Variants in ZNF600 observed in about 807,000 individuals in gnomAD.
ZNF600 encodes zinc finger protein 600.
Under a neutral mutation model 7.3 loss-of-function variants are expected in ZNF600, and 4 were observed. The ratio of observed to expected loss-of-function variants is 0.55; its 90% confidence interval spans 0.27 to 1.25. The LOEUF (loss-of-function observed/expected upper bound fraction) is 1.25. Ranked by LOEUF, ZNF600 falls within the 50% of genes most tolerant of loss-of-function variation. The pLI, the probability that ZNF600 is intolerant of heterozygous loss-of-function variation, is 0.12. For missense variants in ZNF600, 911 were observed against 922.1 expected (o/e 0.99, Z 0.16); for synonymous variants, 290 against 308.9 (o/e 0.94, Z 0.64).
At chr19:52,790,677 CTCTCCT>C (rs2062788821), upstream of ZNF600, among the ~76,000 whole-genome samples, 1 of 145,378 alleles carries the variant, frequency 6.9e-6, no homozygotes, top group African/African-American at 2.6e-5. Context: ...ATCTCTCTCT[CTCTCCT>C]TTTTTTTTTT....
chr19:52,810,459 A>G, the ZNF600 span: 4 of 1,595,280 alleles, frequency 2.5e-6, no homozygotes, highest in Admixed American at 6.7e-5. Flanking sequence ...GTTCTCAAAG[A>G]GTCAGTGAGG....
intron 2 of ZNF600, among the ~76,000 whole-genome samples, chr19:52,778,226 C>T (rs8111159): frequency 0.16 from 24,344 of 151,898 alleles, 2,684 homozygotes; most frequent in African/African-American, 0.31. Context: ...GTTGGCCAGG[C>T]TGGTCTCGAA....
At chr19:52,797,685 A>G in the ZNF600 span, 3 of 154,466 alleles carry the variant, frequency 1.9e-5, no homozygotes, top group East Asian at 1.9e-4. Flanking sequence ...ATCTACAAAC[A>G]TTGATCAAAA....
chr19:52,766,950 G>T, exon 4 of ZNF600: 1 of 1,613,926 alleles, frequency 6.2e-7, no homozygotes, highest in Non-Finnish European at 8.5e-7. Context: ...TTTTTCTCCA[G>T]TATGAATTGC....
the ZNF600 span, chr19:52,801,300 C>A: frequency 2.5e-6 from 4 of 1,614,102 alleles, no homozygotes; most frequent in Middle Eastern, 3.3e-4. Flanking sequence ...TTTGGGCCTA[C>A]AACAAATTCT....
At chr19:52,768,439 CAAA>C (rs34209404) in intron 3 of ZNF600, among the ~76,000 whole-genome samples, 6 of 67,020 alleles carry the variant, frequency 9.0e-5, no homozygotes, top group Admixed American at 1.7e-4. Context: ...GACTCCACCT[CAAA>C]AAAAAAAAAA....
exon 4 of ZNF600, chr19:52,767,743 C>A: frequency 1.3e-6 from 2 of 1,583,580 alleles, no homozygotes; most frequent in African/African-American, 1.4e-5. Context: ...GTTGACAAGA[C>A]CTCCTTCATC....
In ZNF600 at chr19:52,765,730, CAA is replaced by C. The variant is rs2062564720; in HGVS notation, c.2231_2232del (p.Phe744TrpfsTer3). ...TGTTGTTTCAGGTGTGAATCACTCC[CAA>C]AAGTCTTGTCACAAACCTTACATTT... On this transcript the variant is annotated frameshift_variant, in exon 4 of 4. Transcript: ENST00000648973. LOFTEE classifies it low-confidence loss of function (END_TRUNC). The C allele has an allele frequency of 1.9e-6, 3 of 1,613,568 alleles. No homozygotes were observed. The highest frequency in any genetic ancestry group is 2.5e-6 in the Non-Finnish European group (3 of 1,179,766).
the ZNF600 span, chr19:52,818,076 C>T: frequency 6.6e-7 from 1 of 1,514,994 alleles, no homozygotes; most frequent in African/African-American, 1.4e-5. Context: ...ATCAACACAT[C>T]CCCTCCCTGT....
the ZNF600 span, among the ~76,000 whole-genome samples, chr19:52,811,868 G>A: frequency 4.6e-5 from 6 of 129,304 alleles, no homozygotes; most frequent in Non-Finnish European, 6.6e-5. Context: ...CCGGCCAGCC[G>A]CCCCGTCCGG....
the ZNF600 span, among the ~76,000 whole-genome samples, chr19:52,826,436 G>A: frequency 1.3e-5 from 2 of 151,992 alleles, no homozygotes; most frequent in Admixed American, 6.6e-5. Flanking sequence ...CGCTGGGTGG[G>A]CTGGCTCACA....
chr19:52,823,199 C>CTT, the ZNF600 span, among the ~76,000 whole-genome samples: 9 of 151,936 alleles, frequency 5.9e-5, no homozygotes, highest in African/African-American at 1.9e-4. Context: ...TTTTATTGCA[C>CTT]TTTTTGTTTT....
chr19:52,803,695 G>A, the ZNF600 span, among the ~76,000 whole-genome samples: 1 of 152,096 alleles, frequency 6.6e-6, no homozygotes, highest in African/African-American at 2.4e-5. Context: ...AGCCAGGCAC[G>A]GTGGCGCATG....
chr19:52,810,233 G>A, the ZNF600 span: 9 of 1,173,634 alleles, frequency 7.7e-6, no homozygotes, highest in Admixed American at 1.7e-5. Context: ...AGAAGCAGAG[G>A]AATATGAGTC....
At chr19:52,774,638 G>C in exon 3 of ZNF600, 2 of 985,264 alleles carry the variant, frequency 2.0e-6, no homozygotes, top group African/African-American at 3.5e-5. Context: ...CTCTGCGAAG[G>C]GTTCAGGCAT....
chr19:52,813,809 G>A, the ZNF600 span, among the ~76,000 whole-genome samples: 1 of 146,420 alleles, frequency 6.8e-6, no homozygotes, highest in African/African-American at 2.7e-5. Context: ...CCTTGTTTTG[G>A]GGGGTTTAGA....
chr19:52,767,233 A>T (rs749508329), exon 4 of ZNF600: 2 of 1,614,144 alleles, frequency 1.2e-6, no homozygotes, highest in Non-Finnish European at 1.7e-6. Flanking sequence ...CTTAAGAGTG[A>T]GCTACAATTA....
the ZNF600 span, chr19:52,798,954 GA>G: frequency 7.3e-7 from 1 of 1,378,776 alleles, no homozygotes; most frequent in African/African-American, 1.5e-5. Flanking sequence ...TCTCCAGTGT[GA>G]ATTCTAGTAT....
the ZNF600 span, among the ~76,000 whole-genome samples, chr19:52,826,874 A>G: frequency 6.6e-6 from 1 of 151,988 alleles, no homozygotes; most frequent in Admixed American, 6.6e-5. Context: ...GCAAGACTCC[A>G]TTCTCACCCA....
Sources: gnomAD v4.1 joint callset for allele counts (sites outside exome capture counted in the v4.1 genomes callset) on GRCh38, gnomAD v4.1.1 for gene constraint, MANE v1.5 for transcripts, NCBI Gene and HGNC (gene_info 2026-07-23, HGNC 2026-07-21) for gene names.